Variants in CCDC91 observed in about 807,000 individuals in gnomAD.
CCDC91 encodes coiled-coil domain containing 91, also known as coiled-coil domain-containing protein 91.
CCDC91 carries 48 observed loss-of-function variants against 63.2 expected under a neutral mutation model. That is an observed-to-expected ratio of 0.76 (90% CI 0.60 to 0.97). The LOEUF is 0.97. Ranked by LOEUF, CCDC91 falls within the 50% of genes least tolerant of loss-of-function variation. The probability of loss-of-function intolerance (pLI) is 0.00; values close to 1 mark genes in which losing one functional copy is unlikely to be tolerated. For synonymous variants in CCDC91, 167 were observed against 165.8 expected (o/e 1.01, Z -0.06); for missense variants, 500 against 494.6 (o/e 1.01, Z -0.10).
intron 3 of CCDC91, among the ~76,000 whole-genome samples, chr12:28,289,950 C>A (rs1331578106): frequency 6.6e-6 from 1 of 152,084 alleles, no homozygotes; most frequent in Non-Finnish European, 1.5e-5. Context: ...CCTCGGCCTC[C>A]CAAAGTGCTG....
At chr12:28,326,761 A>G (rs1391777224) in intron 6 of CCDC91, among the ~76,000 whole-genome samples, 1 of 152,114 alleles carries the variant, frequency 6.6e-6, no homozygotes, top group Non-Finnish European at 1.5e-5. Flanking sequence ...ACAAGTGATG[A>G]TAAATGAAAC....
chr12:28,266,368 A>G (rs1419371640), intron 3 of CCDC91, among the ~76,000 whole-genome samples: 4 of 151,996 alleles, frequency 2.6e-5, no homozygotes, highest in African/African-American at 9.7e-5. Flanking sequence ...GAAAGACTAG[A>G]TGATATCTAA....
At chr12:28,324,102 T>A (rs1432946670) in intron 6 of CCDC91, among the ~76,000 whole-genome samples, 3 of 151,792 alleles carry the variant, frequency 2.0e-5, no homozygotes, top group South Asian at 4.2e-4. Flanking sequence ...CCAAGAGAAA[T>A]ACAGAGATCT....
intron 8 of CCDC91, among the ~76,000 whole-genome samples, chr12:28,432,518 A>G (rs1276485027): frequency 2.0e-5 from 3 of 152,036 alleles, no homozygotes; most frequent in Non-Finnish European, 2.9e-5. Flanking sequence ...CCATGACTGT[A>G]AGTTTTCTGA....
intron 11 of CCDC91, among the ~76,000 whole-genome samples, chr12:28,479,601 C>T (rs1435538734): frequency 6.6e-6 from 1 of 151,992 alleles, no homozygotes; most frequent in Non-Finnish European, 1.5e-5. Flanking sequence ...TACCCTAGAA[C>T]TTAAAGTATA....
intron 12 of CCDC91, among the ~76,000 whole-genome samples, chr12:28,521,664 A>G (rs1306942694): frequency 1.3e-5 from 2 of 152,124 alleles, no homozygotes; most frequent in African/African-American, 4.8e-5. Flanking sequence ...TTTCAAGGGG[A>G]ATGCTTCCAG....
chr12:28,480,326 A>G (rs1347014966), intron 11 of CCDC91, among the ~76,000 whole-genome samples: 2 of 151,954 alleles, frequency 1.3e-5, no homozygotes, highest in Non-Finnish European at 2.9e-5. Context: ...CTCCTTCCTT[A>G]TAACTCAAAC....
intron 12 of CCDC91, among the ~76,000 whole-genome samples, chr12:28,531,371 T>A (rs1006984457): frequency 6.6e-6 from 1 of 152,182 alleles, no homozygotes; most frequent in African/African-American, 2.4e-5. Context: ...TTTCAAAACG[T>A]ATGTAATTTT....
At chr12:28,449,377 AT>A (rs1949688285) in intron 8 of CCDC91, among the ~76,000 whole-genome samples, 1 of 152,096 alleles carries the variant, frequency 6.6e-6, no homozygotes, top group Non-Finnish European at 1.5e-5. Context: ...AATGAAAAAT[AT>A]ATGAGTAGCA....
chr12:28,297,642 C>G (rs543473525), intron 3 of CCDC91, among the ~76,000 whole-genome samples: 29 of 151,874 alleles, frequency 1.9e-4, no homozygotes, highest in African/African-American at 5.5e-4. Flanking sequence ...ATAGATTTCT[C>G]TTAAAAAATT....
At chr12:28,227,623 C>T (rs1415204674) in intron 1 of CCDC91, among the ~76,000 whole-genome samples, 1 of 152,048 alleles carries the variant, frequency 6.6e-6, no homozygotes, top group Non-Finnish European at 1.5e-5. Context: ...TTCCCACTTA[C>T]TGAAGGTAGA....
At chr12:28,335,082 A>T (rs962716798) in intron 6 of CCDC91, among the ~76,000 whole-genome samples, 1 of 144,828 alleles carries the variant, frequency 6.9e-6, no homozygotes, top group African/African-American at 2.5e-5. Flanking sequence ...AAAATATATA[A>T]AATGTAAAAA....
chr12:28,249,393 A>G (rs1049402402), intron 1 of CCDC91, among the ~76,000 whole-genome samples: 2 of 152,230 alleles, frequency 1.3e-5, no homozygotes, highest in Non-Finnish European at 2.9e-5. Flanking sequence ...AGAGTTGTAT[A>G]GAAATCAGAG....
At chr12:28,326,388 ATTG>A (rs1940998409) in intron 6 of CCDC91, among the ~76,000 whole-genome samples, 1 of 42,136 alleles carries the variant, frequency 2.4e-5, no homozygotes, top group Non-Finnish European at 7.4e-5. Flanking sequence ...TTATGTTAGA[ATTG>A]TTTTTTTTTA....
intron 11 of CCDC91, among the ~76,000 whole-genome samples, chr12:28,481,579 A>G (rs1951449118): frequency 6.6e-6 from 1 of 152,074 alleles, no homozygotes; most frequent in South Asian, 2.1e-4. Context: ...AGATATTCAC[A>G]TACCACTTGC....
chr12:28,317,507 A>G (rs1383512339), intron 6 of CCDC91, among the ~76,000 whole-genome samples: 3 of 151,952 alleles, frequency 2.0e-5, no homozygotes, highest in South Asian at 2.1e-4. Context: ...GTTATTAAGC[A>G]CTTACGGGTG....
intron 1 of CCDC91, among the ~76,000 whole-genome samples, chr12:28,223,220 T>A (rs1339868885): frequency 6.6e-6 from 1 of 152,194 alleles, no homozygotes; most frequent in East Asian, 1.9e-4. Context: ...GGTGTTCTTA[T>A]CTCTCGTAGG....
chr12:28,246,131 C>A (rs1421623258), intron 1 of CCDC91, among the ~76,000 whole-genome samples: 3 of 151,974 alleles, frequency 2.0e-5, no homozygotes, highest in African/African-American at 4.8e-5. Context: ...AAAGTTAGGT[C>A]CCCCAAATTG....
chr12:28,195,442 T>A (rs1407766216), intron 1 of CCDC91, among the ~76,000 whole-genome samples: 5 of 140,156 alleles, frequency 3.6e-5, no homozygotes, highest in Non-Finnish European at 8.1e-5. Flanking sequence ...CACCTCTCAT[T>A]ACTATCTTTT....
Sources: allele counts gnomAD v4.1 joint callset (sites outside exome capture counted in the v4.1 genomes callset), GRCh38; gene constraint gnomAD v4.1.1; transcripts MANE v1.5; gene names NCBI Gene and HGNC (gene_info 2026-07-23, HGNC 2026-07-21).